EXOC6B: variants seen among roughly 807,000 people sequenced by gnomAD.
The protein encoded by EXOC6B is SEC15 homolog B.
In EXOC6B, 54 loss-of-function variants were observed where a neutral mutation model predicts 113.5. The observed-to-expected ratio is 0.48, with a 90% CI of 0.38 to 0.60. EXOC6B has a LOEUF of 0.60. Among genes scored for constraint, EXOC6B ranks in the 20% least tolerant of loss-of-function variants. The probability of loss-of-function intolerance (pLI) is 0.00; values close to 1 mark genes in which losing one functional copy is unlikely to be tolerated. For synonymous variants in EXOC6B, 357 were observed against 339.0 expected, an observed-to-expected ratio of 1.05 and a Z score of -0.58; for missense variants, 797 against 977.5, an observed-to-expected ratio of 0.82 and a Z score of 2.46.
chr2:72,770,649 T>A (rs1683362024), intron 1 of EXOC6B, among the ~76,000 whole-genome samples: 1 of 152,188 alleles, frequency 6.6e-6, no homozygotes, highest in Admixed American at 6.5e-5. Flanking sequence ...ATTTGGGGAT[T>A]ACAAATGAGA....
At chr2:72,490,461 G>T (rs148976579) in intron 16 of EXOC6B, among the ~76,000 whole-genome samples, 1 of 152,142 alleles carries the variant, frequency 6.6e-6, no homozygotes, top group African/African-American at 2.4e-5. Flanking sequence ...ACTCACTTTA[G>T]TTACTCATAA....
Position 72,405,051 on chromosome 2 carries a change from G to A in EXOC6B, c.1981-25181C>T, listed in dbSNP as rs113204635. On this transcript the variant is annotated intron_variant, in intron 18 of 21. Transcript: ENST00000272427. The stretch of plus-strand genomic sequence containing the variant: ...CTGAAAACCATGGCACAAGAACTAC[G>A]TGACAAATGCACAAGCCTCAGTAGC... 9.3e-3 allele frequency among the ~76,000 whole-genome samples: 1,416 copies of A among 152,256 alleles called. 27 individuals carry two copies. The highest frequency in any genetic ancestry group is 0.032 in the African/African-American group (1,315 of 41,536).
At position 72,376,837 on chromosome 2, in the gene EXOC6B, G is replaced by T. The variant is rs181851730; in HGVS notation, c.2122+2892C>A. ...GTAAAACTGTGTATGCTATGTGCTT[G>T]AGAGCGTGGAATTGTTTTTTTCTTC... On this transcript the variant is annotated intron_variant, in intron 19 of 21. Coordinates refer to ENST00000272427, the MANE Select transcript of EXOC6B (RefSeq NM_015189.3). Among the ~76,000 whole-genome samples, 20 of 152,044 alleles carry T rather than the reference G, an allele frequency of 1.3e-4. 1 individual carries two copies. The highest frequency in any genetic ancestry group is 4.6e-4 in the African/African-American group (19 of 41,478).
chr2:72,538,245 G>T (rs1702412332), intron 8 of EXOC6B, among the ~76,000 whole-genome samples: 1 of 152,124 alleles, frequency 6.6e-6, no homozygotes, highest in Non-Finnish European at 1.5e-5. Context: ...TTACAAGTGT[G>T]AGCCACTGCC....
chr2:72,607,770 T>C (rs1670842198), intron 6 of EXOC6B, among the ~76,000 whole-genome samples: 1 of 152,130 alleles, frequency 6.6e-6, no homozygotes, highest in Non-Finnish European at 1.5e-5. Context: ...GTAAAACATA[T>C]TGGGTCAGTT....
At chr2:72,682,957 A>C (rs1421273276) in intron 6 of EXOC6B, among the ~76,000 whole-genome samples, 1 of 152,214 alleles carries the variant, frequency 6.6e-6, no homozygotes, top group Non-Finnish European at 1.5e-5. Flanking sequence ...TTTAAAAGCC[A>C]CTGGAAAAGT....
At chr2:72,815,241 A>G (rs898318439) in intron 1 of EXOC6B, among the ~76,000 whole-genome samples, 1 of 152,184 alleles carries the variant, frequency 6.6e-6, no homozygotes, top group Admixed American at 6.5e-5. Flanking sequence ...CTGTAATCCT[A>G]GCACTTTGGG....
At chr2:72,242,020 T>C (rs929124613) in intron 20 of EXOC6B, among the ~76,000 whole-genome samples, 4 of 151,944 alleles carry the variant, frequency 2.6e-5, no homozygotes, top group African/African-American at 9.7e-5. Flanking sequence ...CTGGGCAACA[T>C]ACCAAGACCT....
At chr2:72,369,962 A>T (rs1690896706) in intron 19 of EXOC6B, among the ~76,000 whole-genome samples, 1 of 152,240 alleles carries the variant, frequency 6.6e-6, no homozygotes, top group South Asian at 2.1e-4. Flanking sequence ...CAAGGACTTC[A>T]TGTCTGAAAC....
intron 21 of EXOC6B, among the ~76,000 whole-genome samples, chr2:72,183,651 G>C (rs781175751): frequency 6.6e-6 from 1 of 152,078 alleles, no homozygotes; most frequent in Non-Finnish European, 1.5e-5. Context: ...TCTCTACTAG[G>C]AACCAGAGAA....
chr2:72,575,504 T>G lies in EXOC6B; in HGVS notation c.834A>C (p.Glu278Asp). The change falls in exon 7 of 22, where the codon GAA (glutamate) becomes GAC (aspartate). Residue 278 changes from glutamate to aspartate, a missense_variant. Transcript: ENST00000272427. ...DSGILDVEDEEDDEEVPGAQD... is the reference protein window; with the variant it reads ...DSGILDVEDEDDDEEVPGAQD... The stretch of plus-strand genomic sequence containing the variant: ...AAATGTTACTTACCTCTTCATCATC[T>G]TCCTCGTCTTCAACATCCAGAATTC... The G allele has an allele frequency of 6.2e-7, 1 of 1,606,062 alleles. No individual in the cohort carries two copies. Among genetic ancestry groups the G allele is most frequent in the Non-Finnish European group, 8.5e-7 (1 of 1,177,316 alleles).
intron 20 of EXOC6B, among the ~76,000 whole-genome samples, chr2:72,215,613 G>T (rs1200369284): frequency 6.6e-6 from 1 of 152,134 alleles, no homozygotes; most frequent in East Asian, 1.9e-4. Flanking sequence ...TGGGACAGAT[G>T]ATGGGTGCCA....
At chr2:72,494,223 T>C (rs111317325) in intron 15 of EXOC6B, among the ~76,000 whole-genome samples, 1,782 of 152,154 alleles carry the variant, frequency 0.012, 41 homozygotes, top group African/African-American at 0.035. Context: ...CAAAAGAAGA[T>C]AGAAAAAGTA....
At chr2:72,534,628 G>A (rs780510778) in intron 8 of EXOC6B, among the ~76,000 whole-genome samples, 6 of 152,116 alleles carry the variant, frequency 3.9e-5, no homozygotes, top group South Asian at 4.2e-4. Context: ...TTAAAGATTC[G>A]TCATACCTAG....
chr2:72,560,087 T>C (rs1703808476), intron 7 of EXOC6B, among the ~76,000 whole-genome samples: 1 of 151,932 alleles, frequency 6.6e-6, no homozygotes, highest in Non-Finnish European at 1.5e-5. Context: ...AATGGAAAAG[T>C]CAAACCAAGA....
intron 8 of EXOC6B, chr2:72,515,841 A>T: frequency 1.7e-6 from 1 of 574,570 alleles, no homozygotes; most frequent in Admixed American, 6.3e-5. Context: ...AATTGGTTAA[A>T]TTAAGATGTG....
chr2:72,542,670 C>T (rs371344443), intron 8 of EXOC6B, among the ~76,000 whole-genome samples: 2 of 152,104 alleles, frequency 1.3e-5, no homozygotes, highest in Non-Finnish European at 1.5e-5. Context: ...TGCTGAATGA[C>T]CAAAATCATC....
intron 19 of EXOC6B, among the ~76,000 whole-genome samples, chr2:72,373,149 A>G (rs1362809301): frequency 1.3e-5 from 2 of 150,030 alleles, no homozygotes; most frequent in Non-Finnish European, 3.0e-5. Flanking sequence ...GCTCACTGCA[A>G]CCTCCACCTC....
chr2:72,807,844 CA>C (rs35368851), intron 1 of EXOC6B, among the ~76,000 whole-genome samples: 48,870 of 135,648 alleles, frequency 0.36, 11,694 homozygotes, highest in African/African-American at 0.7. Context: ...TTAATGAGTA[CA>C]AAAAAAAAAA....
Sources: gnomAD v4.1 joint callset for allele counts (sites outside exome capture counted in the v4.1 genomes callset) on GRCh38, gnomAD v4.1.1 for gene constraint, MANE v1.5 for transcripts, NCBI Gene and HGNC (gene_info 2026-07-23, HGNC 2026-07-21) for gene names.